The following RBFOX1 variants were observed in gnomAD, a reference collection of about 807,000 sequenced individuals.
The protein encoded by RBFOX1 is RNA binding protein fox-1 homolog 1.
Under a neutral mutation model 57.7 loss-of-function variants are expected in RBFOX1, and 8 were observed. The observed-to-expected ratio is 0.14, with a 90% CI of 0.08 to 0.25. The LOEUF (loss-of-function observed/expected upper bound fraction) is 0.25, where lower values mean the gene tolerates loss of function less well. Among genes scored for constraint, RBFOX1 ranks in the 10% least tolerant of loss-of-function variants. The pLI is 1.00. For synonymous variants in RBFOX1, 326 were observed against 222.4 expected (o/e 1.47, Z -4.15); for missense variants, 611 against 548.5 (o/e 1.11, Z -1.14).
intron 2 of RBFOX1, among the ~76,000 whole-genome samples, chr16:6,591,153 T>G (rs2097704714): frequency 6.6e-6 from 1 of 152,154 alleles, no homozygotes; most frequent in Admixed American, 6.6e-5. Context: ...ACATTCATAA[T>G]TGAAAAACCT....
intron 6 of RBFOX1, 50 bp downstream of exon 6, chr16:7,579,970 A>C (rs1196705386): frequency 6.3e-7 from 1 of 1,586,076 alleles, no homozygotes; most frequent in Non-Finnish European, 8.6e-7. Context: ...GGTTCCAGAG[A>C]CCTCCCTGTC....
intron 4 of RBFOX1, among the ~76,000 whole-genome samples, chr16:7,112,191 A>T (rs1418475988): frequency 2.0e-5 from 3 of 152,122 alleles, no homozygotes; most frequent in Non-Finnish European, 4.4e-5. Flanking sequence ...TATGTCATCC[A>T]TCTTGTACAT....
chr16:6,942,616 G>C (rs144225211), intron 3 of RBFOX1, among the ~76,000 whole-genome samples: 1 of 152,162 alleles, frequency 6.6e-6, no homozygotes, highest in East Asian at 1.9e-4. Context: ...GGACTTTTCA[G>C]TGCAGGAGAC....
At chr16:6,095,670 GTTC>G (rs1303841547) in intron 1 of RBFOX1, among the ~76,000 whole-genome samples, 1 of 150,502 alleles carries the variant, frequency 6.6e-6, no homozygotes, top group East Asian at 2.0e-4. Flanking sequence ...CCTCTGATTA[GTTC>G]TTCTTCCATT....
intron 4 of RBFOX1, among the ~76,000 whole-genome samples, chr16:7,513,648 G>T (rs975073752): frequency 8.5e-5 from 13 of 152,130 alleles, no homozygotes; most frequent in African/African-American, 2.9e-4. Flanking sequence ...TCCAGTCATT[G>T]CCTAATGTCC....
chr16:7,709,514 C>T, intron 15 of RBFOX1: 9 of 1,529,644 alleles, frequency 5.9e-6, no homozygotes, highest in Non-Finnish European at 7.0e-6. Context: ...CCAGCCCCAG[C>T]ACAGACTTCA....
intron 4 of RBFOX1, among the ~76,000 whole-genome samples, chr16:7,088,963 C>G (rs530799135): frequency 6.6e-6 from 1 of 152,200 alleles, no homozygotes; most frequent in African/African-American, 2.4e-5. Context: ...TATGAACTCT[C>G]TTTGCTGTAA....
chr16:6,338,990 T>A (rs1421978340), intron 2 of RBFOX1, among the ~76,000 whole-genome samples: 2 of 152,300 alleles, frequency 1.3e-5, no homozygotes, highest in South Asian at 4.1e-4. Flanking sequence ...ATTTGGGTAA[T>A]TCCCAGGATC....
intron 4 of RBFOX1, among the ~76,000 whole-genome samples, chr16:7,517,290 T>C (rs1249347063): frequency 6.6e-6 from 1 of 151,908 alleles, no homozygotes; most frequent in East Asian, 1.9e-4. Context: ...AAAATTCTTC[T>C]GAGTTGGCTG....
chr16:6,554,449 T>C (rs11642505), intron 2 of RBFOX1, among the ~76,000 whole-genome samples: 3,898 of 152,134 alleles, frequency 0.026, 69 homozygotes, highest in African/African-American at 0.046. Context: ...AGTTCTAAAA[T>C]TAAATTGTGG....
intron 2 of RBFOX1, among the ~76,000 whole-genome samples, chr16:6,441,088 G>A (rs1282586317): frequency 7.2e-5 from 11 of 152,156 alleles, no homozygotes; most frequent in East Asian, 1.9e-4. Flanking sequence ...GAGTCATGGC[G>A]GACGGAGAGG....
At chr16:7,134,766 C>G (rs115435629) in intron 4 of RBFOX1, among the ~76,000 whole-genome samples, 1 of 152,090 alleles carries the variant, frequency 6.6e-6, no homozygotes, top group Non-Finnish European at 1.5e-5. Flanking sequence ...GTGTGCTGTA[C>G]CGAATTTGCA....
chr16:6,425,118 A>G (rs2093886977), intron 2 of RBFOX1, among the ~76,000 whole-genome samples: 1 of 152,204 alleles, frequency 6.6e-6, no homozygotes, highest in South Asian at 2.1e-4. Context: ...ACAACTTTAT[A>G]CCTTTTAGTA....
chr16:5,407,006 C>T (rs1168084901), intron 1 of RBFOX1, among the ~76,000 whole-genome samples: 1 of 152,194 alleles, frequency 6.6e-6, no homozygotes. Flanking sequence ...TATAAAGATA[C>T]TACCCTAGAC....
At chr16:6,096,274 A>G (rs193059607) in intron 1 of RBFOX1, among the ~76,000 whole-genome samples, 3 of 152,312 alleles carry the variant, frequency 2.0e-5, no homozygotes, top group Non-Finnish European at 4.4e-5. Context: ...AAGAGGAGAA[A>G]AGGAAAGGAA....
At chr16:7,679,432 T>C (rs745842619) in intron 14 of RBFOX1, among the ~76,000 whole-genome samples, 1 of 152,186 alleles carries the variant, frequency 6.6e-6, no homozygotes, top group Non-Finnish European at 1.5e-5. Context: ...CAGAAAAACT[T>C]CGTCCAAAAT....
chr16:7,175,035 T>A (rs189624179), intron 4 of RBFOX1, among the ~76,000 whole-genome samples: 9 of 152,226 alleles, frequency 5.9e-5, no homozygotes. Context: ...ATGATCTTTA[T>A]GTTTGTTTAT....
At chr16:6,666,422 C>G (rs770639025) in intron 3 of RBFOX1, among the ~76,000 whole-genome samples, 5 of 151,798 alleles carry the variant, frequency 3.3e-5, no homozygotes, top group South Asian at 2.1e-4. Flanking sequence ...ATAATCCTAG[C>G]CATGCTATTC....
At chr16:7,565,316 T>C (rs1025175987) in intron 5 of RBFOX1, among the ~76,000 whole-genome samples, 1 of 152,210 alleles carries the variant, frequency 6.6e-6, no homozygotes, top group Non-Finnish European at 1.5e-5. Flanking sequence ...ACATTCAATA[T>C]AGTTACATTT....
Sources: gnomAD v4.1 joint callset for allele counts (sites outside exome capture counted in the v4.1 genomes callset) on GRCh38, gnomAD v4.1.1 for gene constraint, MANE v1.5 for transcripts, NCBI Gene and HGNC (gene_info 2026-07-23, HGNC 2026-07-21) for gene names.